Variants in JPH2 observed in about 807,000 individuals in gnomAD.
The protein encoded by JPH2 is junctophilin 2.
JPH2 carries 38 observed loss-of-function variants against 55.9 expected under a neutral mutation model. The ratio of observed to expected loss-of-function variants is 0.68; its 90% CI spans 0.52 to 0.89. The LOEUF is 0.89. JPH2 is among the 40% of genes least tolerant of loss of function. The pLI is 0.00. For synonymous variants in JPH2, 480 were observed against 472.4 expected (o/e 1.02, Z -0.21); for missense variants, 964 against 1,037.6 (o/e 0.93, Z 0.97).
In JPH2 at chr20:44,186,432, C is replaced by T; in HGVS notation, c.274G>A (p.Gly92Arg). ...GAGCTCTGCCGGATTCCGTAGCGTC[C>T]CTTGAAGCCATGTGTCCACTCGCCC... Reference protein sequence around the residue: ...YKGEWTHGFKGRYGIRQSSSS... With the variant: ...YKGEWTHGFKRRYGIRQSSSS... Residue 92 changes from glycine (G) to arginine (R), a missense_variant, in exon 1 of 6, where the codon GGA (glycine) becomes AGA (arginine). Gly to Arg is a moderately radical substitution (Grantham distance 125). Coordinates refer to ENST00000372980, the MANE Select transcript of JPH2 (RefSeq NM_020433.5). 1 of 1,614,040 alleles carries T rather than the reference C, an allele frequency of 6.2e-7. No homozygotes were observed. The highest frequency in any genetic ancestry group is 2.2e-5 in the East Asian group (1 of 44,864).
rs2072131017 is a variant in JPH2 at position 44,110,008 on chromosome 20, A to C, written c.*3510T>G. On this transcript the variant is annotated 3_prime_UTR_variant, in exon 6 of 6. Transcript: ENST00000372980. The stretch of plus-strand genomic sequence containing the variant: ...GCATTCCGGGCATGGCAGGAGACCC[A>C]TCAGACTTCCTAGAGCTGCCTGTGG... Among the ~76,000 whole-genome samples the C allele has an allele frequency of 6.6e-6, 1 of 152,200 alleles. No individual in the cohort carries two copies. The highest frequency in any genetic ancestry group is 1.5e-5 in the Non-Finnish European group (1 of 68,036).
In JPH2 at chr20:44,116,216, G is replaced by A. The variant is rs919085890; in HGVS notation, c.1459C>T (p.Pro487Ser). 2.1e-6 allele frequency: 3 copies of A among 1,396,658 alleles called. No homozygotes were observed. The highest frequency in any genetic ancestry group is 1.8e-6 in the Non-Finnish European group (2 of 1,087,086). 86.5% of individuals were successfully genotyped at this position (1,396,658 alleles called of 1,614,324 possible). Residue 487 changes from proline (P) to serine (S), a missense_variant, in exon 4 of 6, where the codon CCG (proline) becomes TCG (serine). Pro to Ser is a moderately conservative substitution (Grantham distance 74). Coordinates refer to ENST00000372980, the MANE Select transcript of JPH2 (RefSeq NM_020433.5). ...TPRPEGGSPS[P>S]AGTPPQPKRP... ...TTGGGCTGCGGGGGCGTCCCGGCCG[G>A]TGACGGGGAGCCACCCTCGGGCCGA...
chr20:44,119,864 A>C (rs1600831505), intron 2 of JPH2, among the ~76,000 whole-genome samples: 1 of 91,690 alleles, frequency 1.1e-5, no homozygotes, highest in Non-Finnish European at 2.1e-5. Context: ...ACAGGGTGAG[A>C]CTCCATCTCA....
Position 44,186,707 on chromosome 20 carries a change from T to C in JPH2, c.-2A>G. 1 of 1,586,852 alleles carries C rather than the reference T, an allele frequency of 6.3e-7. No homozygotes were observed. The highest frequency in any genetic ancestry group is 8.5e-7 in the Non-Finnish European group (1 of 1,175,284). On this transcript the variant is annotated 5_prime_UTR_variant, in exon 1 of 6. Transcript: ENST00000372980. ...AAAGTCGAAGCGGCCCCCACTCATC[T>C]CATCATAGCCCCTGACAACCTCCCC... is the stretch of plus-strand genomic sequence containing the variant.
At chr20:44,126,202 GGAA>G in intron 2 of JPH2, among the ~76,000 whole-genome samples, 2 of 129,072 alleles carry the variant, frequency 1.5e-5, no homozygotes, top group Middle Eastern at 3.9e-3. Context: ...GAGGAAGGAA[GGAA>G]GAAGGGGGGG....
intron 2 of JPH2, among the ~76,000 whole-genome samples, chr20:44,141,878 C>A (rs1039548347): frequency 5.3e-5 from 8 of 152,074 alleles, no homozygotes; most frequent in Non-Finnish European, 8.8e-5. Context: ...AGCACCAGGA[C>A]CCATGGGTAG....
At position 44,159,396 on chromosome 20, in the gene JPH2, T is replaced by C. The variant is rs1195788234; in HGVS notation, c.1169+222A>G. Among the ~76,000 whole-genome samples the C allele has an allele frequency of 1.3e-5, 2 of 151,902 alleles. No homozygotes were observed. Among genetic ancestry groups the C allele is most frequent in the Non-Finnish European group, 2.9e-5 (2 of 67,936 alleles). On this transcript the variant is annotated intron_variant, in intron 2 of 5. Transcript: ENST00000372980. The surrounding 1 kb of genome is among the most constrained non-coding windows in gnomAD (Gnocchi z 5.7). The stretch of plus-strand genomic sequence containing the variant: ...GATATTAGAAAGGTTGGGTGAGTGG[T>C]AGGGTTAAGTCAGTGGAAGGGCTGG...
intron 2 of JPH2, among the ~76,000 whole-genome samples, chr20:44,137,338 G>A (rs543387166): frequency 2.0e-4 from 31 of 151,970 alleles, no homozygotes; most frequent in African/African-American, 7.0e-4. Context: ...AGGCGCCCAG[G>A]AGAGCTTTCT....
intron 2 of JPH2, among the ~76,000 whole-genome samples, chr20:44,154,895 C>T (rs1247901791): frequency 1.3e-5 from 2 of 152,160 alleles, no homozygotes; most frequent in African/African-American, 2.4e-5. Context: ...ACTCCTGCCC[C>T]AGACACACAA....
At chr20:44,170,554 C>T (rs956407429) in intron 1 of JPH2, among the ~76,000 whole-genome samples, 9 of 152,150 alleles carry the variant, frequency 5.9e-5, no homozygotes, top group African/African-American at 1.9e-4. Flanking sequence ...ACCAGGTGAA[C>T]CAGAAATGCT....
chr20:44,122,417 G>C (rs1358748235), intron 2 of JPH2, among the ~76,000 whole-genome samples: 1 of 152,238 alleles, frequency 6.6e-6, no homozygotes. Context: ...AAAACTCAGT[G>C]ATCAAGAGGA....
intron 2 of JPH2, among the ~76,000 whole-genome samples, chr20:44,125,395 T>C (rs2072268595): frequency 6.6e-6 from 1 of 152,196 alleles, no homozygotes; most frequent in Admixed American, 6.5e-5. Context: ...TTGAGCACTG[T>C]GTGACCAGCC....
intron 2 of JPH2, among the ~76,000 whole-genome samples, chr20:44,128,063 G>A (rs966307780): frequency 1.3e-5 from 2 of 151,970 alleles, no homozygotes; most frequent in African/African-American, 4.8e-5. Flanking sequence ...CCCATTCTCT[G>A]GGCTGTCTTT....
chr20:44,177,871 A>C, intron 1 of JPH2: 1 of 1,610,472 alleles, frequency 6.2e-7, no homozygotes, highest in Non-Finnish European at 8.5e-7. Context: ...AAATACGGGA[A>C]TATATATTTT....
intron 1 of JPH2, among the ~76,000 whole-genome samples, chr20:44,182,290 G>A (rs1053218915): frequency 6.6e-6 from 1 of 152,196 alleles, no homozygotes; most frequent in Non-Finnish European, 1.5e-5. Context: ...GTTGATTAAA[G>A]AGATTTTCCG....
chr20:44,174,212 C>G (rs62204508), intron 1 of JPH2, among the ~76,000 whole-genome samples: 1 of 152,110 alleles, frequency 6.6e-6, no homozygotes, highest in Non-Finnish European at 1.5e-5. Context: ...GGTAGAGGGA[C>G]CTGCCCAAGG....
At position 44,106,955 on chromosome 20, in the gene JPH2, T is replaced by C. The variant is rs893480681; in HGVS notation, c.*6563A>G. 7.9e-5 allele frequency among the ~76,000 whole-genome samples: 12 copies of C among 152,166 alleles called. No homozygotes were observed. The highest frequency in any genetic ancestry group is 2.4e-4 in the African/African-American group (10 of 41,432). ...ATGGGAGATGCTCTACAAGCAATCC[T>C]TGCTCTGGAGCTCCCACTGGGTTGG... is the stretch of plus-strand genomic sequence containing the variant. On this transcript the variant is annotated 3_prime_UTR_variant, in exon 6 of 6. Transcript: ENST00000372980.
intron 3 of JPH2, among the ~76,000 whole-genome samples, chr20:44,117,312 G>A (rs1176565234): frequency 2.0e-5 from 3 of 152,154 alleles, no homozygotes; most frequent in African/African-American, 7.2e-5. Context: ...TCATCGCAGA[G>A]AATCCCCATC....
At chr20:44,138,907 G>A (rs190769976) in intron 2 of JPH2, among the ~76,000 whole-genome samples, 3 of 152,268 alleles carry the variant, frequency 2.0e-5, no homozygotes, top group East Asian at 1.9e-4. Flanking sequence ...TGGACACGGC[G>A]CGGCTCAGGA....
Sources: gnomAD v4.1 joint callset for allele counts (sites outside exome capture counted in the v4.1 genomes callset) on GRCh38, gnomAD v4.1.1 for gene constraint, Gnocchi (gnomAD v3.1) non-coding constraint, MANE v1.5 for transcripts, NCBI Gene and HGNC (gene_info 2026-07-23, HGNC 2026-07-21) for gene names.